The following RARB variants were observed in gnomAD, a reference collection of about 807,000 sequenced individuals.
The protein encoded by RARB is retinoic acid receptor beta.
RARB carries 17 observed loss-of-function variants against 51.9 expected under a neutral mutation model. The ratio of observed to expected loss-of-function variants is 0.33; its 90% CI spans 0.22 to 0.49. RARB has a LOEUF of 0.49. Ranked by LOEUF, RARB falls within the 20% of genes least tolerant of loss-of-function variation. RARB has a pLI of 0.99. For missense variants in RARB, 369 were observed against 550.8 expected, an observed-to-expected ratio of 0.67 and a Z score of 3.30; for synonymous variants, 215 against 195.4, an observed-to-expected ratio of 1.10 and a Z score of -0.84.
intron 2 of RARB, among the ~76,000 whole-genome samples, chr3:25,465,448 G>A (rs759345935): frequency 6.6e-6 from 1 of 152,148 alleles, no homozygotes; most frequent in Non-Finnish European, 1.5e-5. Context: ...ACAGAGCCTG[G>A]TATATCTTCA....
intron 4 of RARB, among the ~76,000 whole-genome samples, chr3:25,145,797 A>G (rs1700178788): frequency 6.6e-6 from 1 of 151,670 alleles, no homozygotes; most frequent in Admixed American, 6.6e-5. Context: ...GGAGTTCGAG[A>G]CCAGCCTGGC....
chr3:25,472,384 G>A (rs989269906), intron 2 of RARB, among the ~76,000 whole-genome samples: 2 of 152,144 alleles, frequency 1.3e-5, no homozygotes, highest in Admixed American at 1.3e-4. Context: ...AATGGGACAC[G>A]TGACCAAAAC....
chr3:25,095,303 T>C (rs1699274381), intron 3 of RARB, among the ~76,000 whole-genome samples: 1 of 152,166 alleles, frequency 6.6e-6, no homozygotes, highest in Non-Finnish European at 1.5e-5. Flanking sequence ...AGAATAGGTT[T>C]GGGATTGGTT....
chr3:25,179,751 C>G (rs1282176653), intron 5 of RARB, among the ~76,000 whole-genome samples: 1 of 152,118 alleles, frequency 6.6e-6, no homozygotes, highest in Admixed American at 6.5e-5. Flanking sequence ...AGAGGCCATT[C>G]CTTAAAGCTG....
At chr3:25,286,541 C>T (rs943571528) in intron 5 of RARB, among the ~76,000 whole-genome samples, 1 of 152,160 alleles carries the variant, frequency 6.6e-6, no homozygotes, top group African/African-American at 2.4e-5. Flanking sequence ...GTTGAATTGA[C>T]TTCATTCATC....
At chr3:25,155,231 T>C (rs1157968225) in intron 4 of RARB, among the ~76,000 whole-genome samples, 2 of 152,230 alleles carry the variant, frequency 1.3e-5, no homozygotes, top group African/African-American at 2.4e-5. Flanking sequence ...TGTCATGTCT[T>C]TTCTGCTTTC....
At position 25,580,489 on chromosome 3, in the gene RARB, C is replaced by G. The variant is rs755553061; in HGVS notation, c.610-57C>G. The G allele has an allele frequency of 2.8e-6, 4 of 1,412,752 alleles. No homozygotes were observed. In the Admixed American group the frequency reaches 7.9e-5, roughly 28 times the overall value. The allele number at this position is 1,412,752 out of a possible 1,614,324, so 87.5% of individuals were successfully genotyped here. On this transcript the variant is annotated intron_variant, in intron 4 of 7. Transcript: ENST00000330688. Reference sequence around the variant, plus strand: ...CTAATTGGAAACACATTGAATTTCTCCCCTCCTATAGAGCTTCCCGGAAAC... The same window carrying G: ...CTAATTGGAAACACATTGAATTTCTGCCCTCCTATAGAGCTTCCCGGAAAC...
At chr3:25,328,918 G>A (rs535265616) in intron 5 of RARB, among the ~76,000 whole-genome samples, 10 of 152,296 alleles carry the variant, frequency 6.6e-5, no homozygotes, top group African/African-American at 9.6e-5. Flanking sequence ...ACAGAGCCTC[G>A]CTCACTGCTA....
intron 3 of RARB, among the ~76,000 whole-genome samples, chr3:25,131,125 G>A (rs1475801170): frequency 6.6e-6 from 1 of 151,592 alleles, no homozygotes; most frequent in Non-Finnish European, 1.5e-5. Flanking sequence ...AAGCTTCAAG[G>A]GAAAGTCACT....
At position 25,596,422 on chromosome 3, in the gene RARB, G is replaced by A. The variant is rs1181150957; in HGVS notation, c.1153G>A (p.Ala385Thr). The A allele has an allele frequency of 1.9e-6, 3 of 1,608,646 alleles. No individual in the cohort carries two copies. The highest frequency in any genetic ancestry group is 2.7e-5 in the African/African-American group (2 of 74,724). ...TDLRSISAKG[A>T]ERVITLKMEI... ...TTTCCATTATCTCTTTTGAAAAGGT[G>A]CAGAGCGTGTAATTACCTTGAAAAT... Residue 385 changes from alanine (A) to threonine (T), a missense_variant and splice_region_variant, in exon 8 of 8, where the codon GCA becomes ACA. Physicochemically the swap from Ala to Thr is moderately conservative, Grantham distance 58. This residue lies in a region of RARB where 76 missense variants were observed against 153.3 expected (regional missense o/e 0.50). Coordinates refer to ENST00000330688, the MANE Select transcript of RARB (RefSeq NM_000965.5).
At chr3:25,458,379 G>A (rs75111901) in intron 1 of RARB, 1 of 152,338 alleles carries the variant, frequency 6.6e-6, no homozygotes, top group East Asian at 1.9e-4. Flanking sequence ...ATTTCTCTGA[G>A]TGAAAAGATT....
At chr3:25,574,229 A>C (rs536018510) in intron 4 of RARB, among the ~76,000 whole-genome samples, 37 of 152,022 alleles carry the variant, frequency 2.4e-4, no homozygotes, top group African/African-American at 8.7e-4. Flanking sequence ...TTCAAGCTCA[A>C]CTCTTATCCC....
intron 3 of RARB, among the ~76,000 whole-genome samples, chr3:25,094,607 A>T (rs1176007988): frequency 6.8e-6 from 1 of 146,774 alleles, no homozygotes; most frequent in Non-Finnish European, 1.5e-5. Flanking sequence ...GGTCCCAGCT[A>T]TTCAGGAGGC....
chr3:25,007,963 G>C (rs1292827278), intron 2 of RARB, among the ~76,000 whole-genome samples: 3 of 152,098 alleles, frequency 2.0e-5, no homozygotes, highest in Non-Finnish European at 4.4e-5. Context: ...TTGTATGCCT[G>C]ACTCACAAGG....
intron 3 of RARB, among the ~76,000 whole-genome samples, chr3:25,566,839 C>G (rs908235734): frequency 1.3e-5 from 2 of 152,188 alleles, no homozygotes; most frequent in African/African-American, 2.4e-5. Flanking sequence ...TGTGGTTTCT[C>G]TTTCTGCACA....
chr3:25,292,137 G>C (rs1186614112), intron 5 of RARB, among the ~76,000 whole-genome samples: 1 of 151,948 alleles, frequency 6.6e-6, no homozygotes, highest in Non-Finnish European at 1.5e-5. Flanking sequence ...AGGGGTTGCT[G>C]ATGAGCAGAG....
chr3:25,171,656 A>AAAAAAAAAAAAAAC (rs1700650000), intron 4 of RARB, among the ~76,000 whole-genome samples: 1 of 148,388 alleles, frequency 6.7e-6, no homozygotes, highest in African/African-American at 2.5e-5. Context: ...AAAAAAAAAA[A>AAAAAAAAAAAAAAC]AAAAACAGCT....
At chr3:24,907,061 G>A (rs549837878) in intron 2 of RARB, among the ~76,000 whole-genome samples, 1 of 152,118 alleles carries the variant, frequency 6.6e-6, no homozygotes, top group Non-Finnish European at 1.5e-5. Context: ...GGACTTACTT[G>A]TCCATTCAAT....
intron 4 of RARB, among the ~76,000 whole-genome samples, chr3:25,573,335 A>G (rs1364463312): frequency 1.3e-5 from 2 of 152,014 alleles, no homozygotes; most frequent in African/African-American, 4.8e-5. Flanking sequence ...CCACCCCAAT[A>G]TGGGGGTGAG....
Sources: allele counts gnomAD v4.1 joint callset (sites outside exome capture counted in the v4.1 genomes callset), GRCh38; gene constraint gnomAD v4.1.1; regional missense constraint gnomAD v4.1.1; transcripts MANE v1.5; gene names NCBI Gene and HGNC (gene_info 2026-07-23, HGNC 2026-07-21).